The following CDH22 variants were observed in gnomAD, a reference collection of about 807,000 sequenced individuals.
The protein encoded by CDH22 is cadherin-22.
A neutral mutation model predicts 58.4 loss-of-function variants in CDH22; 30 were observed. The observed-to-expected ratio is 0.51, with a 90% CI of 0.38 to 0.70. The LOEUF (loss-of-function observed/expected upper bound fraction) is 0.70. Among genes scored for constraint, CDH22 ranks in the 30% least tolerant of loss-of-function variants. CDH22 has a pLI of 0.00. For missense variants in CDH22, 1,014 were observed against 1,233.9 expected (o/e 0.82, Z 2.67); for synonymous variants, 513 against 558.2 (o/e 0.92, Z 1.14).
In CDH22 at chr20:46,291,727, G is replaced by A. The variant is rs919927353; in HGVS notation, c.-400+16528C>T. Among the ~76,000 whole-genome samples, 9 of 152,346 alleles carry A rather than the reference G, an allele frequency of 5.9e-5. No homozygotes were observed. The East Asian group carries it at 9.6e-4, about 16-fold the overall frequency. On this transcript the variant is annotated intron_variant, in intron 1 of 11. Transcript: ENST00000537909. The stretch of plus-strand genomic sequence containing the variant: ...AGCAAGGCCACTTCTGCTCCTCTGC[G>A]TTGCAGCCTGGGGTGCACCTCTGCA...
intron 8 of CDH22, among the ~76,000 whole-genome samples, chr20:46,190,951 A>G (rs529933234): frequency 1.1e-4 from 17 of 152,306 alleles, no homozygotes; most frequent in African/African-American, 3.4e-4. Context: ...TTTCTTCTGT[A>G]TAATGGACAG....
intron 3 of CDH22, among the ~76,000 whole-genome samples, chr20:46,236,954 A>C (rs2086257807): frequency 6.6e-6 from 1 of 152,124 alleles, no homozygotes; most frequent in Admixed American, 6.5e-5. Context: ...TGGCCTCCCA[A>C]AGTGCGAGGA....
chr20:46,246,339 T>TC (rs1490557052), intron 2 of CDH22, among the ~76,000 whole-genome samples: 2 of 152,140 alleles, frequency 1.3e-5, no homozygotes, highest in Non-Finnish European at 2.9e-5. Flanking sequence ...TCTGCTCTCC[T>TC]CCCCACTTTA....
At chr20:46,255,681 C>T (rs1461521852) in intron 1 of CDH22, among the ~76,000 whole-genome samples, 1 of 152,148 alleles carries the variant, frequency 6.6e-6, no homozygotes, top group Non-Finnish European at 1.5e-5. Context: ...CACAGCCCTG[C>T]TAGGGCTGCC....
At chr20:46,197,312 A>T (rs1390482519) in intron 8 of CDH22, among the ~76,000 whole-genome samples, 2 of 148,904 alleles carry the variant, frequency 1.3e-5, no homozygotes, top group Admixed American at 6.8e-5. Flanking sequence ...ATATATATAT[A>T]TATATACATA....
chr20:46,204,309 G>C (rs1159224611), intron 7 of CDH22, among the ~76,000 whole-genome samples: 1 of 148,644 alleles, frequency 6.7e-6, no homozygotes, highest in Non-Finnish European at 1.5e-5. Context: ...CAGGAGAATT[G>C]CATGAACCCG....
intron 6 of CDH22, among the ~76,000 whole-genome samples, chr20:46,212,673 G>A (rs938899306): frequency 1.3e-5 from 2 of 152,188 alleles, no homozygotes; most frequent in Non-Finnish European, 2.9e-5. Context: ...GAAATATGAG[G>A]ATTAAAGGCA....
chr20:46,285,623 C>T (rs6017764), intron 1 of CDH22, among the ~76,000 whole-genome samples: 6,839 of 152,290 alleles, frequency 0.045, 289 homozygotes, highest in East Asian at 0.2. Flanking sequence ...TCTGATCCAA[C>T]GTTCCCTTTA....
chr20:46,208,723 A>G (rs571814826), intron 7 of CDH22, among the ~76,000 whole-genome samples: 1 of 152,296 alleles, frequency 6.6e-6, no homozygotes, highest in African/African-American at 2.4e-5. Context: ...CCTCCAGAGT[A>G]GCTGTGACTA....
intron 1 of CDH22, among the ~76,000 whole-genome samples, chr20:46,305,751 G>A (rs938971688): frequency 7.9e-5 from 12 of 152,250 alleles, no homozygotes; most frequent in Non-Finnish European, 1.2e-4. Context: ...GACTCTTATC[G>A]CCCATGTGGT....
rs543376011 is a variant in CDH22, at chr20:46,213,286, A to C, written c.839-98T>G. 7.0e-5 allele frequency: 57 copies of C among 809,540 alleles called. 1 individual carries two copies. In the South Asian group the frequency reaches 9.1e-4, roughly 13 times the overall value. The allele number at this position is 809,540 out of a possible 1,614,324, so 50.1% of individuals were successfully genotyped here. On this transcript the variant is annotated intron_variant, in intron 5 of 11. Transcript: ENST00000537909. ...GACAAGGGGGCCCAGGTGAGCCTCT[A>C]TGGAGGACAGTGCCTGAAAGGGGCT...
Position 46,210,204 on chromosome 20 carries a change from G to A in CDH22, c.1286+103C>T, listed in dbSNP as rs1399753419. The A allele has an allele frequency of 8.3e-7, 1 of 1,205,540 alleles. No homozygotes were observed. Among genetic ancestry groups the A allele is most frequent in the Non-Finnish European group, 1.1e-6 (1 of 936,088 alleles). 74.7% of individuals were successfully genotyped at this position (1,205,540 alleles called of 1,614,324 possible). A position where few individuals can be genotyped will look rare whatever the true frequency, so the allele number is the denominator to read the frequency against. On this transcript the variant is annotated intron_variant, in intron 7 of 11. Transcript: ENST00000537909. The surrounding 1 kb of genome is among the most constrained non-coding windows in gnomAD (Gnocchi z 4.5). ...CCTCCCCCACGCAGCCCCTTCCTTC[G>A]GCCCTGCCCGCCCCAGCCCTCCTCC...
At chr20:46,298,255 A>G (rs537880285) in intron 1 of CDH22, among the ~76,000 whole-genome samples, 6 of 152,288 alleles carry the variant, frequency 3.9e-5, no homozygotes, top group African/African-American at 9.6e-5. Context: ...TTCACTTTGG[A>G]TACATAAAGT....
Position 46,251,205 on chromosome 20 carries a change from C to T in CDH22, c.90G>A (p.Pro30=), listed in dbSNP as rs1217506614. ...LLLLLLLPPP[P]TLLGRLWAAG... ...CTGCCCACAGGCGCCCCAGCAGCGT[C>T]GGCGGCGGCGGCAGCAGCAGCAGCA... The change falls in exon 2 of 12, where the codon CCG becomes CCA. Residue 30 remains proline, a synonymous_variant. Transcript: ENST00000537909. This position sits in a 1 kb window ranked among gnomAD's most constrained non-coding sequence, Gnocchi z 6.7. The T allele has an allele frequency of 4.1e-6, 6 of 1,461,850 alleles. No individual in the cohort carries two copies. The highest frequency in any genetic ancestry group is 6.0e-5 in the East Asian group (2 of 33,310). 90.6% of individuals were successfully genotyped at this position (1,461,850 alleles called of 1,614,324 possible).
intron 2 of CDH22, among the ~76,000 whole-genome samples, chr20:46,250,280 G>A (rs970248991): frequency 3.9e-4 from 60 of 152,114 alleles, no homozygotes; most frequent in Admixed American, 3.7e-3. Context: ...GGGATTTCGC[G>A]GCGAGCAAAA....
At chr20:46,306,202 A>G (rs1003852351) in intron 1 of CDH22, among the ~76,000 whole-genome samples, 6 of 152,268 alleles carry the variant, frequency 3.9e-5, no homozygotes, top group African/African-American at 1.4e-4. Context: ...GCGTGAAGCC[A>G]AGAAACGGCT....
intron 1 of CDH22, among the ~76,000 whole-genome samples, chr20:46,304,356 A>G (rs1377258516): frequency 6.6e-6 from 1 of 152,248 alleles, no homozygotes; most frequent in East Asian, 1.9e-4. Flanking sequence ...GCTCAGCACC[A>G]TACATGCTCA....
intron 11 of CDH22, among the ~76,000 whole-genome samples, chr20:46,176,778 G>A (rs1314033816): frequency 2.6e-5 from 4 of 152,264 alleles, no homozygotes; most frequent in Admixed American, 1.3e-4. Flanking sequence ...ATGGATGGAT[G>A]GCTTCTGGAG....
At chr20:46,252,395 C>G (rs146104710) in intron 1 of CDH22, among the ~76,000 whole-genome samples, 13 of 152,156 alleles carry the variant, frequency 8.5e-5, no homozygotes, top group Non-Finnish European at 1.3e-4. Flanking sequence ...TCCCAGAGTC[C>G]GAGAGACATC....
Sources: gnomAD v4.1 joint callset for allele counts (sites outside exome capture counted in the v4.1 genomes callset) on GRCh38, gnomAD v4.1.1 for gene constraint, Gnocchi (gnomAD v3.1) non-coding constraint, MANE v1.5 for transcripts, NCBI Gene and HGNC (gene_info 2026-07-23, HGNC 2026-07-21) for gene names.